The following LITAF variants were observed in gnomAD, a reference collection of about 807,000 sequenced individuals.
LITAF encodes the protein lipopolysaccharide induced TNF factor.
Under a neutral mutation model 14.5 loss-of-function variants are expected in LITAF, and 9 were observed. The observed-to-expected ratio is 0.62, with a 90% CI of 0.37 to 1.08. The LOEUF (loss-of-function observed/expected upper bound fraction) is 1.08, where lower values mean the gene tolerates loss of function less well. Ranked by LOEUF, LITAF falls within the 50% of genes least tolerant of loss-of-function variation. The probability of loss-of-function intolerance (pLI) is 0.01; values close to 1 mark genes in which losing one functional copy is unlikely to be tolerated. For missense variants in LITAF, 206 were observed against 213.4 expected (o/e 0.97, Z 0.22); for synonymous variants, 98 against 88.2 (o/e 1.11, Z -0.62).
intron 3 of LITAF, among the ~76,000 whole-genome samples, chr16:11,626,265 G>A (rs948204542): frequency 5.3e-5 from 8 of 152,068 alleles, no homozygotes; most frequent in Non-Finnish European, 1.2e-4. Context: ...TGCAACCTCT[G>A]CCTCCCAGGT....
At chr16:11,602,182 C>T (rs2064931975), upstream of LITAF, among the ~76,000 whole-genome samples, 1 of 152,108 alleles carries the variant, frequency 6.6e-6, no homozygotes, top group Admixed American at 6.6e-5. Context: ...CATAGTGAAA[C>T]CCTGTCTCTA....
chr16:11,624,600 G>A (rs1173440615), intron 3 of LITAF, among the ~76,000 whole-genome samples: 1 of 152,208 alleles, frequency 6.6e-6, no homozygotes, highest in African/African-American at 2.4e-5. Context: ...CAGTTGCACA[G>A]GTTGTGCACT....
chr16:11,609,524 GC>G (rs539650155), intron 3 of LITAF, among the ~76,000 whole-genome samples: 199 of 152,194 alleles, frequency 1.3e-3, no homozygotes, highest in African/African-American at 4.5e-3. Context: ...TGAATGGTAT[GC>G]TTTAAATGGG....
intron 3 of LITAF, among the ~76,000 whole-genome samples, chr16:11,628,294 T>C (rs1297339094): frequency 1.3e-5 from 2 of 152,122 alleles, no homozygotes; most frequent in Admixed American, 6.6e-5. Flanking sequence ...AGATTTTCCA[T>C]GTTTGCGTGT....
intron 3 of LITAF, among the ~76,000 whole-genome samples, chr16:11,612,330 C>G (rs2064987118): frequency 6.6e-6 from 1 of 152,208 alleles, no homozygotes; most frequent in Admixed American, 6.5e-5. Context: ...GCTGCACCGT[C>G]CTCATCATTC....
chr16:11,617,426 C>T (rs199954889), intron 3 of LITAF, among the ~76,000 whole-genome samples: 4 of 73,714 alleles, frequency 5.4e-5, no homozygotes, highest in Non-Finnish European at 7.2e-5. Context: ...TGGCTTCACT[C>T]TTTTTTTTTT....
intron 1 of LITAF, among the ~76,000 whole-genome samples, chr16:11,598,020 C>T (rs2141860137): frequency 6.6e-6 from 1 of 152,346 alleles, no homozygotes; most frequent in Middle Eastern, 3.4e-3. Context: ...ATTCTCCCGC[C>T]TCAGACACCC....
chr16:11,594,895 A>T (rs965057406), intron 1 of LITAF, among the ~76,000 whole-genome samples: 27 of 100,866 alleles, frequency 2.7e-4, no homozygotes, highest in African/African-American at 1.1e-3. Flanking sequence ...AAAAAAAATA[A>T]AATAAAGTAA....
chr16:11,560,383 G>A (rs1026627368), intron 1 of LITAF, among the ~76,000 whole-genome samples: 2 of 151,556 alleles, frequency 1.3e-5, no homozygotes, highest in African/African-American at 4.9e-5. Flanking sequence ...GGCTGAGATG[G>A]GTGGATCATT....
chr16:11,602,067 C>T (rs927276740), upstream of LITAF, among the ~76,000 whole-genome samples: 9 of 152,214 alleles, frequency 5.9e-5, no homozygotes, highest in African/African-American at 2.2e-4. Flanking sequence ...TAAGATAACT[C>T]TGCCCAATGG....
upstream of LITAF, among the ~76,000 whole-genome samples, chr16:11,639,651 G>A (rs1429839793): frequency 6.6e-6 from 1 of 151,986 alleles, no homozygotes; most frequent in East Asian, 1.9e-4. Context: ...ATGAAACAGA[G>A]AGAAAAGGAC....
At chr16:11,601,746 G>C (rs1053626351), upstream of LITAF, among the ~76,000 whole-genome samples, 25 of 152,088 alleles carry the variant, frequency 1.6e-4, no homozygotes, top group African/African-American at 6.0e-4. Flanking sequence ...TTTTTGTAGA[G>C]ACGGGGTTTT....
At chr16:11,572,569 G>A (rs554585295) in intron 1 of LITAF, among the ~76,000 whole-genome samples, 1 of 152,254 alleles carries the variant, frequency 6.6e-6, no homozygotes, top group East Asian at 1.9e-4. Context: ...AAGGGCCTCT[G>A]TGGCCTTCCT....
At chr16:11,580,247 C>T (rs2141827398) in intron 1 of LITAF, among the ~76,000 whole-genome samples, 1 of 152,070 alleles carries the variant, frequency 6.6e-6, no homozygotes, top group East Asian at 1.9e-4. Context: ...ATAGGACCCT[C>T]ATCAACCAGT....
intron 3 of LITAF, among the ~76,000 whole-genome samples, chr16:11,610,032 C>G (rs544177159): frequency 8.7e-4 from 132 of 152,360 alleles, no homozygotes; most frequent in African/African-American, 3.1e-3. Flanking sequence ...ATCTCTGCAG[C>G]CTTCAATCCT....
intron 1 of LITAF, among the ~76,000 whole-genome samples, chr16:11,592,750 T>C (rs114895464): frequency 6.6e-6 from 1 of 151,748 alleles, no homozygotes; most frequent in Non-Finnish European, 1.5e-5. Flanking sequence ...AAAAAAAAAT[T>C]TGGGGTCGGG....
intron 3 of LITAF, among the ~76,000 whole-genome samples, chr16:11,610,063 C>T (rs1447379762): frequency 6.6e-6 from 1 of 152,236 alleles, no homozygotes; most frequent in African/African-American, 2.4e-5. Context: ...GTCCCCACTG[C>T]TCCTGATGGC....
At chr16:11,609,357 G>A (rs895354898) in intron 3 of LITAF, among the ~76,000 whole-genome samples, 2 of 151,888 alleles carry the variant, frequency 1.3e-5, no homozygotes, top group Non-Finnish European at 2.9e-5. Context: ...GGTTACAGGC[G>A]CCTGCCACCA....
At chr16:11,628,088 A>G (rs969268174) in intron 3 of LITAF, among the ~76,000 whole-genome samples, 13 of 152,170 alleles carry the variant, frequency 8.5e-5, no homozygotes, top group African/African-American at 2.4e-4. Flanking sequence ...CAGAACACAA[A>G]GACACATTTG....
Sources: gnomAD v4.1 joint callset for allele counts (sites outside exome capture counted in the v4.1 genomes callset) on GRCh38, gnomAD v4.1.1 for gene constraint, MANE v1.5 for transcripts, NCBI Gene and HGNC (gene_info 2026-07-23, HGNC 2026-07-21) for gene names.